Variants in TRMO observed in about 807,000 individuals in gnomAD.
TRMO encodes tRNA methyltransferase O.
Under a neutral mutation model 37.2 loss-of-function variants are expected in TRMO, and 30 were observed. The ratio of observed to expected loss-of-function variants is 0.81; its 90% CI spans 0.60 to 1.09. TRMO has a LOEUF of 1.09. Ranked by LOEUF, TRMO falls within the 50% of genes least tolerant of loss-of-function variation. The pLI, the probability that TRMO is intolerant of heterozygous loss-of-function variation, is 0.00. For synonymous variants in TRMO, 239 were observed against 199.4 expected (o/e 1.20, Z -1.67); for missense variants, 552 against 549.5 (o/e 1.00, Z -0.05).
At chr9:97,916,366 A>G (rs1419746828) in intron 1 of TRMO, 28 bp from the exon 2 acceptor site, 1 of 1,562,636 alleles carries the variant, frequency 6.4e-7, no homozygotes, top group Non-Finnish European at 8.7e-7. Flanking sequence ...GTAAAAAGTT[A>G]TTAGTCAAAA....
At chr9:97,907,798 C>T (rs2131517890) in intron 4 of TRMO, among the ~76,000 whole-genome samples, 1 of 152,290 alleles carries the variant, frequency 6.6e-6, no homozygotes, top group South Asian at 2.1e-4. Context: ...TCCTTCCGCT[C>T]AGCCCTCCTC....
intron 4 of TRMO, among the ~76,000 whole-genome samples, chr9:97,906,254 C>T (rs867882085): frequency 6.6e-6 from 1 of 152,120 alleles, no homozygotes; most frequent in Non-Finnish European, 1.5e-5. Flanking sequence ...ATGAGGAGAG[C>T]TCATCACACT....
At chr9:97,905,062 T>C in intron 4 of TRMO, 70 bp from the exon 5 acceptor site, 1 of 1,532,482 alleles carries the variant, frequency 6.5e-7, no homozygotes, top group Non-Finnish European at 8.9e-7. Context: ...CAAACTTCAA[T>C]ATGGAATCTG....
At chr9:97,912,759 T>A (rs1826180923) in intron 3 of TRMO, 5 of 392,018 alleles carry the variant, frequency 1.3e-5, no homozygotes, top group Non-Finnish European at 2.0e-5. Context: ...TGCCATTTCA[T>A]CTGCTGCCTC....
At position 97,910,507 on chromosome 9, in the gene TRMO, T is replaced by C; in HGVS notation, c.519A>G (p.Leu173=). ...YDSPQNVMEP[L]ADFNLQNNQH... ...GGTTATTCTGTAAATTAAAGTCTGC[T>C]AAAGGCTCCATCACATTTTGCGGTG... The change falls in exon 4 of 5, where the codon TTA becomes TTG. Residue 173 remains leucine, a synonymous_variant. Coordinates refer to ENST00000375119, the MANE Select transcript of TRMO (RefSeq NM_016481.5). 6.2e-7 allele frequency: 1 copy of C among 1,614,224 alleles called. No homozygotes were observed. Among genetic ancestry groups the C allele is most frequent in the Non-Finnish European group, 8.5e-7 (1 of 1,180,044 alleles).
At chr9:97,908,470 T>C (rs1825964805) in intron 4 of TRMO, among the ~76,000 whole-genome samples, 2 of 150,888 alleles carry the variant, frequency 1.3e-5, no homozygotes, top group South Asian at 4.2e-4. Context: ...ACACCTGTAG[T>C]CCCAGCTACA....
intron 2 of TRMO, among the ~76,000 whole-genome samples, chr9:97,914,685 G>T (rs942930431): frequency 6.6e-6 from 1 of 151,196 alleles, no homozygotes; most frequent in African/African-American, 2.4e-5. Context: ...AGCTATTAAA[G>T]AAAAAAAAGG....
At chr9:97,898,679 T>C in the TRMO span, among the ~76,000 whole-genome samples, 1 of 151,906 alleles carries the variant, frequency 6.6e-6, no homozygotes, top group East Asian at 1.9e-4. Flanking sequence ...TGAGCTGCCG[T>C]GCCCCACCAG....
intron 1 of TRMO, 29 bp downstream of exon 1, chr9:97,922,389 A>G: frequency 1.1e-5 from 16 of 1,468,342 alleles, no homozygotes; most frequent in Non-Finnish European, 1.5e-5. Context: ...ACCTCTCCAG[A>G]GTGTGGCACC....
chr9:97,914,020 G>C (rs1026051347), intron 2 of TRMO: 1 of 153,192 alleles, frequency 6.5e-6, no homozygotes, highest in Non-Finnish European at 1.5e-5. Context: ...GGCATGACTA[G>C]ACCTTCCTAA....
rs578031555 is a variant in TRMO at position 97,908,863 on chromosome 9, G to T, written c.1066+1097C>A. On this transcript the variant is annotated intron_variant, in intron 4 of 4. Transcript: ENST00000375119. ...GAAGCTCAGTAAACAACTGTAGAAT[G>T]AATAAATGAACTTCCCTCTTTATAT... Among the ~76,000 whole-genome samples, 32 of 152,286 alleles carry T rather than the reference G, an allele frequency of 2.1e-4. 1 individual carries two copies. Among genetic ancestry groups the T allele is most frequent in the African/African-American group, 7.7e-4 (32 of 41,560 alleles).
At chr9:97,897,904 T>C in the TRMO span, among the ~76,000 whole-genome samples, 1 of 152,296 alleles carries the variant, frequency 6.6e-6, no homozygotes, top group East Asian at 1.9e-4. Context: ...TTGCCCAGAC[T>C]GGAGGACAGT....
the TRMO span, among the ~76,000 whole-genome samples, chr9:97,898,832 T>C: frequency 7.5e-6 from 1 of 132,596 alleles, no homozygotes; most frequent in African/African-American, 2.9e-5. Context: ...TTCATATATA[T>C]ATATACTTTT....
chr9:97,918,539 C>T (rs1435064335), intron 1 of TRMO, among the ~76,000 whole-genome samples: 2 of 152,040 alleles, frequency 1.3e-5, no homozygotes, highest in Admixed American at 6.6e-5. Flanking sequence ...TTCATGACAG[C>T]GTTATCAATT....
chr9:97,912,209 T>C (rs978375589), intron 3 of TRMO: 3 of 152,238 alleles, frequency 2.0e-5, no homozygotes, highest in Non-Finnish European at 4.4e-5. Flanking sequence ...GCACAAACAC[T>C]AGTTGCCATA....
Position 97,904,573 on chromosome 9 carries a change from A to C in TRMO, c.*160T>G. ...TTATATCTCTTTGTTAAGTTTATTAATGTATACGTTTTTCAAATAAACATT... is the reference window on the plus strand; with the variant it reads ...TTATATCTCTTTGTTAAGTTTATTACTGTATACGTTTTTCAAATAAACATT... On this transcript the variant is annotated 3_prime_UTR_variant, in exon 5 of 5. Transcript: ENST00000375119. The C allele has an allele frequency of 1.4e-6, 2 of 1,472,558 alleles. No individual in the cohort carries two copies. The highest frequency in any genetic ancestry group is 1.8e-6 in the Non-Finnish European group (2 of 1,117,352). The allele number at this position is 1,472,558 out of a possible 1,614,324, so 91.2% of individuals were successfully genotyped here. A position where few individuals can be genotyped will look rare whatever the true frequency, so the allele number is the denominator to read the frequency against.
intron 1 of TRMO, among the ~76,000 whole-genome samples, chr9:97,917,583 T>C (rs1333368969): frequency 6.6e-6 from 1 of 152,328 alleles, no homozygotes; most frequent in African/African-American, 2.4e-5. Flanking sequence ...ATCCCACTTA[T>C]GGAAATTTGT....
intron 2 of TRMO, among the ~76,000 whole-genome samples, chr9:97,914,507 C>G (rs1207700989): frequency 6.6e-6 from 1 of 152,040 alleles, no homozygotes; most frequent in South Asian, 2.1e-4. Flanking sequence ...AATATGCTTA[C>G]CTTCTAACCC....
Position 97,904,796 on chromosome 9 carries a change from C to T in TRMO, c.1263G>A (p.Lys421=). The T allele has an allele frequency of 6.2e-7, 1 of 1,614,184 alleles. No individual in the cohort carries two copies. The highest frequency in any genetic ancestry group is 1.1e-5 in the South Asian group (1 of 91,082). The part of the protein sequence containing the change: ...GDGFAEVLRI[K]PASEPVHMTG... The stretch of plus-strand genomic sequence containing the variant: ...TCATATGAACAGGCTCAGAAGCCGG[C>T]TTGATCCTCAGCACCTCTGCAAAGC... The change falls in exon 5 of 5, where the codon AAG becomes AAA. Residue 421 remains lysine, a synonymous_variant. Transcript: ENST00000375119.
Sources: gnomAD v4.1 joint callset for allele counts (sites outside exome capture counted in the v4.1 genomes callset) on GRCh38, gnomAD v4.1.1 for gene constraint, MANE v1.5 for transcripts, NCBI Gene and HGNC (gene_info 2026-07-23, HGNC 2026-07-21) for gene names.